The following TMTC2 variants were observed in gnomAD, a reference collection of about 807,000 sequenced individuals.
The protein encoded by TMTC2 is protein O-mannosyl-transferase TMTC2.
A neutral mutation model predicts 82.4 loss-of-function variants in TMTC2; 43 were observed. The ratio of observed to expected loss-of-function variants is 0.52; its 90% CI spans 0.41 to 0.67. The LOEUF (loss-of-function observed/expected upper bound fraction) is 0.67, where lower values mean the gene tolerates loss of function less well. TMTC2 is among the 30% of genes least tolerant of loss of function. The pLI is 0.00. For synonymous variants in TMTC2, 408 were observed against 381.9 expected (o/e 1.07, Z -0.80); for missense variants, 919 against 1,012.4 (o/e 0.91, Z 1.25).
At chr12:82,865,616 A>G (rs1445288433) in intron 2 of TMTC2, among the ~76,000 whole-genome samples, 3 of 152,202 alleles carry the variant, frequency 2.0e-5, no homozygotes, top group African/African-American at 4.8e-5. Context: ...ACAGGAAATT[A>G]ACAAGGTTAT....
chr12:83,029,551 T>C (rs1881334758), intron 8 of TMTC2, among the ~76,000 whole-genome samples: 1 of 152,116 alleles, frequency 6.6e-6, no homozygotes, highest in Non-Finnish European at 1.5e-5. Flanking sequence ...TTTATGTGGG[T>C]AGAGAGTATA....
chr12:83,099,282 A>T (rs1884134795), intron 11 of TMTC2, among the ~76,000 whole-genome samples: 1 of 152,178 alleles, frequency 6.6e-6, no homozygotes. Context: ...TAGGGTAAAG[A>T]TTTATACCAG....
intron 1 of TMTC2, among the ~76,000 whole-genome samples, chr12:82,736,033 G>T (rs11115369): frequency 0.12 from 17,982 of 151,476 alleles, 1,245 homozygotes; most frequent in South Asian, 0.19. Context: ...TTTAAATTTT[G>T]CTCCGGAGAT....
intron 11 of TMTC2, among the ~76,000 whole-genome samples, chr12:83,092,786 T>C (rs906626091): frequency 6.6e-6 from 1 of 152,318 alleles, no homozygotes; most frequent in South Asian, 2.1e-4. Flanking sequence ...TCAAGTTAGA[T>C]TTACCACAGC....
chr12:82,851,869 T>TA (rs1425597390), intron 1 of TMTC2, among the ~76,000 whole-genome samples: 4 of 151,554 alleles, frequency 2.6e-5, no homozygotes, highest in Non-Finnish European at 5.9e-5. Flanking sequence ...GGTCATTACT[T>TA]ACATGGGTGC....
chr12:82,946,241 A>G (rs1175954198), intron 4 of TMTC2, among the ~76,000 whole-genome samples: 1 of 152,216 alleles, frequency 6.6e-6, no homozygotes, highest in Non-Finnish European at 1.5e-5. Flanking sequence ...TATTGCTAAA[A>G]TGTAAGCTTC....
chr12:82,977,569 A>C (rs1878729506), intron 7 of TMTC2, among the ~76,000 whole-genome samples: 1 of 151,876 alleles, frequency 6.6e-6, no homozygotes, highest in South Asian at 2.1e-4. Flanking sequence ...CTTGTCTCAT[A>C]CCACATAGCA....
rs1368791310 is a variant in TMTC2 at position 82,799,265 on chromosome 12, T to G, written c.84-57745T>G. On this transcript the variant is annotated intron_variant, in intron 1 of 11. Coordinates refer to ENST00000321196, the MANE Select transcript of TMTC2 (RefSeq NM_152588.3). Reference sequence around the variant, plus strand: ...CTGAGGGTTTAATGACCTGCCCTGATGGAGAATCACTTGACTCTCTTGGTT... The same window carrying G: ...CTGAGGGTTTAATGACCTGCCCTGAGGGAGAATCACTTGACTCTCTTGGTT... Among the ~76,000 whole-genome samples, 4 of 152,134 alleles carry G rather than the reference T, an allele frequency of 2.6e-5. No individual in the cohort carries two copies. The East Asian group carries it at 5.8e-4, about 22-fold the overall frequency.
chr12:83,115,957 T>G (rs543512099), intron 11 of TMTC2, among the ~76,000 whole-genome samples: 125 of 152,216 alleles, frequency 8.2e-4, no homozygotes, highest in South Asian at 1.9e-3. Context: ...CTGGCTAATT[T>G]TTGTATTTTT....
chr12:82,857,434 G>T lies in TMTC2; in HGVS notation c.508G>T (p.Gly170Cys). The change falls in exon 2 of 12, where the codon GGC becomes TGC. Residue 170 changes from glycine (G) to cysteine (C), a missense_variant. Coordinates refer to ENST00000321196, the MANE Select transcript of TMTC2 (RefSeq NM_152588.3). ...STRGYSARTWGWFLGSGLCAG... is the reference protein window; with the variant it reads ...STRGYSARTWCWFLGSGLCAG... ...AAGAGGCTACTCAGCCAGAACCTGG[G>T]GCTGGTTCCTGGGGTCAGGACTGTG... 1 of 1,614,170 alleles carries T rather than the reference G, an allele frequency of 6.2e-7. No homozygotes were observed. Among genetic ancestry groups the T allele is most frequent in the Non-Finnish European group, 8.5e-7 (1 of 1,180,040 alleles).
chr12:82,925,841 C>G (rs1875675954), intron 3 of TMTC2, among the ~76,000 whole-genome samples: 1 of 152,040 alleles, frequency 6.6e-6, no homozygotes, highest in African/African-American at 2.4e-5. Flanking sequence ...TTTCCAATGG[C>G]CTTGAAGTGA....
intron 4 of TMTC2, among the ~76,000 whole-genome samples, chr12:82,941,756 TTTTTG>T (rs1299086803): frequency 6.6e-6 from 1 of 152,100 alleles, no homozygotes; most frequent in Non-Finnish European, 1.5e-5. Flanking sequence ...TTTGTTGTTG[TTTTTG>T]TTTTGTTTTG....
rs1020922680 is a variant in TMTC2 at position 82,845,947 on chromosome 12, T to G, written c.84-11063T>G. Among the ~76,000 whole-genome samples, 16 of 151,500 alleles carry G rather than the reference T, an allele frequency of 1.1e-4. 1 individual carries two copies. The highest frequency in any genetic ancestry group is 2.1e-4 in the South Asian group (1 of 4,828). On this transcript the variant is annotated intron_variant, in intron 1 of 11. Coordinates refer to ENST00000321196, the MANE Select transcript of TMTC2 (RefSeq NM_152588.3). ...GTCACAGTGTTTTTTGTGTTTGTTT[T>G]TTTTTTTTTTGATATTTCCTGTAGA...
intron 1 of TMTC2, among the ~76,000 whole-genome samples, chr12:82,821,038 T>G (rs1168379169): frequency 6.6e-6 from 1 of 152,046 alleles, no homozygotes; most frequent in African/African-American, 2.4e-5. Flanking sequence ...TTTTTTTTTT[T>G]CGTAGAGGAA....
intron 3 of TMTC2, among the ~76,000 whole-genome samples, chr12:82,914,461 G>A (rs960041071): frequency 2.0e-5 from 3 of 152,000 alleles, no homozygotes; most frequent in African/African-American, 7.3e-5. Context: ...TATTTGAGAG[G>A]TACTATATTT....
rs368959079 is a variant in TMTC2 at position 82,730,296 on chromosome 12, C to CAAAAAA, written c.83+42642_83+42647dup. On this transcript the variant is annotated intron_variant, in intron 1 of 11. Transcript: ENST00000321196. ...GGCAACAGAGCAAAACTCTGTCTCT[C>CAAAAAA]AAAAAAAAAAAAAAAAAAAAGCAGA... Among the ~76,000 whole-genome samples the CAAAAAA allele has an allele frequency of 2.1e-3, 164 of 78,670 alleles. 3 individuals are homozygous for CAAAAAA. Among genetic ancestry groups the CAAAAAA allele is most frequent in the Non-Finnish European group, 2.4e-3 (104 of 43,860 alleles). The allele number at this position is 78,670 out of a possible 152,430, so 51.6% of individuals were successfully genotyped here. A position where few individuals can be genotyped will look rare whatever the true frequency, so the allele number is the denominator to read the frequency against.
chr12:82,818,927 A>G (rs759059236), intron 1 of TMTC2, among the ~76,000 whole-genome samples: 3 of 152,116 alleles, frequency 2.0e-5, no homozygotes, highest in South Asian at 2.1e-4. Context: ...TAAGCTTTCT[A>G]GCACTATTGT....
chr12:83,033,982 T>C (rs574156429), intron 9 of TMTC2, among the ~76,000 whole-genome samples: 28 of 151,220 alleles, frequency 1.9e-4, no homozygotes, highest in African/African-American at 6.5e-4. Flanking sequence ...TATTGGCAAA[T>C]AGAGACATAG....
At chr12:82,819,417 T>C (rs1232754911) in intron 1 of TMTC2, among the ~76,000 whole-genome samples, 3 of 151,978 alleles carry the variant, frequency 2.0e-5, no homozygotes, top group Non-Finnish European at 4.4e-5. Context: ...CTCCAGTTTA[T>C]CATGGTTCCT....
Sources: gnomAD v4.1 joint callset for allele counts (sites outside exome capture counted in the v4.1 genomes callset) on GRCh38, gnomAD v4.1.1 for gene constraint, MANE v1.5 for transcripts, NCBI Gene and HGNC (gene_info 2026-07-23, HGNC 2026-07-21) for gene names.